Variants in GRM1 observed in about 807,000 individuals in gnomAD.
GRM1 encodes metabotropic glutamate receptor 1.
GRM1 carries 33 observed loss-of-function variants against 90.9 expected under a neutral mutation model. The ratio of observed to expected loss-of-function variants is 0.36; its 90% CI spans 0.28 to 0.49. The LOEUF is 0.49. Ranked by LOEUF, GRM1 falls within the 20% of genes least tolerant of loss-of-function variation. The pLI is 0.99. For synonymous variants in GRM1, 700 were observed against 613.2 expected (o/e 1.14, Z -2.09); for missense variants, 1,190 against 1,534.3 (o/e 0.78, Z 3.75).
At chr6:146,328,602 A>G (rs952860896) in intron 3 of GRM1, among the ~76,000 whole-genome samples, 21 of 152,204 alleles carry the variant, frequency 1.4e-4, no homozygotes, top group African/African-American at 4.8e-4. Context: ...CACATATGTA[A>G]TGTACATATA....
chr6:146,118,140 CTT>C (rs67033918), intron 1 of GRM1, among the ~76,000 whole-genome samples: 4 of 115,454 alleles, frequency 3.5e-5, no homozygotes, highest in Non-Finnish European at 6.9e-5. Flanking sequence ...TTCTTCTTTT[CTT>C]TTTTTTTTTT....
chr6:146,426,047 CT>C (rs1389299997), intron 7 of GRM1, among the ~76,000 whole-genome samples: 5 of 152,342 alleles, frequency 3.3e-5, no homozygotes, highest in South Asian at 2.1e-4. Context: ...CCCTCTCTCT[CT>C]ACCACTGGAC....
intron 2 of GRM1, among the ~76,000 whole-genome samples, chr6:146,189,489 G>A (rs1778860565): frequency 6.6e-6 from 1 of 152,068 alleles, no homozygotes; most frequent in Non-Finnish European, 1.5e-5. Context: ...TTCATGTAAT[G>A]CTTTCTATAA....
chr6:146,374,924 C>G (rs1323906282), intron 5 of GRM1, among the ~76,000 whole-genome samples: 1 of 151,852 alleles, frequency 6.6e-6, no homozygotes. Flanking sequence ...TTGGTTTTCT[C>G]TTGCTTTTTT....
At chr6:146,138,213 G>C (rs532653484) in intron 1 of GRM1, among the ~76,000 whole-genome samples, 1 of 151,968 alleles carries the variant, frequency 6.6e-6, no homozygotes, top group Non-Finnish European at 1.5e-5. Context: ...AGTGGTGCAA[G>C]TGGGCATCCG....
rs1778572856 is a variant in GRM1 at position 146,435,622 on chromosome 6, A to G, written c.*826A>G. On this transcript the variant is annotated 3_prime_UTR_variant, in exon 8 of 8. Transcript: ENST00000282753. ...AACAATCCATCAGCATGAGACTTTG[A>G]AAAAAAAACACATGATCAGCTTCTC... The G allele has an allele frequency of 6.6e-6, 1 of 150,664 alleles. No homozygotes were observed. The highest frequency in any genetic ancestry group is 6.6e-5 in the Admixed American group (1 of 15,074). 9.3% of individuals were successfully genotyped at this position (150,664 alleles called of 1,614,324 possible). A position where few individuals can be genotyped will look rare whatever the true frequency, so the allele number is the denominator to read the frequency against.
chr6:146,235,193 C>T (rs978669630), intron 2 of GRM1, among the ~76,000 whole-genome samples: 1 of 152,116 alleles, frequency 6.6e-6, no homozygotes, highest in Non-Finnish European at 1.5e-5. Flanking sequence ...TTTCACAGGG[C>T]ATAAAATTCT....
intron 3 of GRM1, among the ~76,000 whole-genome samples, chr6:146,329,200 G>T (rs1216942107): frequency 6.6e-6 from 1 of 152,212 alleles, no homozygotes; most frequent in Non-Finnish European, 1.5e-5. Flanking sequence ...CAATGAAAAG[G>T]TGAGTGTGTG....
At chr6:146,354,191 C>T (rs186611299) in intron 4 of GRM1, among the ~76,000 whole-genome samples, 1 of 152,092 alleles carries the variant, frequency 6.6e-6, no homozygotes, top group African/African-American at 2.4e-5. Flanking sequence ...GACTGGAATG[C>T]GAGTGAGGTA....
intron 2 of GRM1, among the ~76,000 whole-genome samples, chr6:146,212,595 G>A (rs917056177): frequency 6.6e-6 from 1 of 152,074 alleles, no homozygotes; most frequent in Non-Finnish European, 1.5e-5. Context: ...GTCTTAATAG[G>A]GGAAACCATT....
intron 1 of GRM1, among the ~76,000 whole-genome samples, chr6:146,125,137 A>T (rs1209913105): frequency 6.6e-6 from 1 of 152,112 alleles, no homozygotes; most frequent in Non-Finnish European, 1.5e-5. Context: ...CAAATCATGG[A>T]ATCTGGAATT....
At chr6:146,188,401 T>C (rs912828055) in intron 2 of GRM1, among the ~76,000 whole-genome samples, 1 of 152,134 alleles carries the variant, frequency 6.6e-6, no homozygotes, top group Admixed American at 6.5e-5. Context: ...AATCATTGCT[T>C]TTCTCTTCCA....
chr6:146,193,287 T>C (rs1272114375), intron 2 of GRM1, among the ~76,000 whole-genome samples: 1 of 152,164 alleles, frequency 6.6e-6, no homozygotes, highest in African/African-American at 2.4e-5. Flanking sequence ...TTTGAAATCA[T>C]GTGTCTGGAT....
intron 1 of GRM1, among the ~76,000 whole-genome samples, chr6:146,045,455 A>G (rs1357934397): frequency 6.6e-6 from 1 of 151,970 alleles, no homozygotes; most frequent in Non-Finnish European, 1.5e-5. Flanking sequence ...CAATTAAAGT[A>G]GGGATTCGGA....
chr6:146,149,793 C>T (rs977694128), intron 1 of GRM1, among the ~76,000 whole-genome samples: 32 of 152,252 alleles, frequency 2.1e-4, no homozygotes, highest in African/African-American at 7.7e-4. Flanking sequence ...AGTAAATCCC[C>T]TTCTTCTACT....
In GRM1 at chr6:146,357,895, A is replaced by T. The variant is rs1045814701; in HGVS notation, c.1602+201A>T. Among the ~76,000 whole-genome samples the T allele has an allele frequency of 6.6e-5, 10 of 152,368 alleles. No individual in the cohort carries two copies. The East Asian group carries it at 1.9e-3, about 29-fold the overall frequency. ...GTGAGTAAACTCTTAGAATATTTGC[A>T]TAGTCTTTACTTGAATCACAATGAT... On this transcript the variant is annotated intron_variant, in intron 5 of 7. Transcript: ENST00000282753.
intron 2 of GRM1, among the ~76,000 whole-genome samples, chr6:146,264,386 A>G (rs1781802475): frequency 6.6e-6 from 1 of 152,188 alleles, no homozygotes; most frequent in African/African-American, 2.4e-5. Context: ...GCCCAACAAT[A>G]AAAACATGAC....
At chr6:146,307,009 C>T (rs1173586869) in intron 3 of GRM1, among the ~76,000 whole-genome samples, 1 of 152,162 alleles carries the variant, frequency 6.6e-6, no homozygotes, top group East Asian at 1.9e-4. Context: ...ATTCAGGATA[C>T]TACTTATGCT....
At chr6:146,216,227 A>G (rs992128400) in intron 2 of GRM1, among the ~76,000 whole-genome samples, 1 of 152,156 alleles carries the variant, frequency 6.6e-6, no homozygotes, top group Non-Finnish European at 1.5e-5. Flanking sequence ...ATTGTGCCTT[A>G]ATTTTGTTTT....
Sources: gnomAD v4.1 joint callset for allele counts (sites outside exome capture counted in the v4.1 genomes callset) on GRCh38, gnomAD v4.1.1 for gene constraint, MANE v1.5 for transcripts, NCBI Gene and HGNC (gene_info 2026-07-23, HGNC 2026-07-21) for gene names.